Variants in SYT9 observed in about 807,000 individuals in gnomAD.
The protein encoded by SYT9 is synaptotagmin 9, also known as synaptotagmin-9.
In SYT9, 22 loss-of-function variants were observed where a neutral mutation model predicts 48.4. The observed-to-expected ratio is 0.45, with a 90% CI of 0.32 to 0.65. The LOEUF (loss-of-function observed/expected upper bound fraction) is 0.65. Among genes scored for constraint, SYT9 ranks in the 30% least tolerant of loss-of-function variants. The probability of loss-of-function intolerance (pLI) is 0.03; values close to 1 mark genes in which losing one functional copy is unlikely to be tolerated. For missense variants in SYT9, 577 were observed against 622.0 expected (o/e 0.93, Z 0.77); for synonymous variants, 265 against 245.0 (o/e 1.08, Z -0.76).
intron 3 of SYT9, among the ~76,000 whole-genome samples, chr11:7,327,934 AG>A (rs1363962303): frequency 2.2e-5 from 2 of 90,542 alleles, no homozygotes; most frequent in African/African-American, 4.3e-5. Flanking sequence ...GGGAGGGGGG[AG>A]GGGGGAGGGA....
Position 7,357,799 on chromosome 11 carries a change from A to C in SYT9, c.1044+43858A>C, listed in dbSNP as rs377470493. Among the ~76,000 whole-genome samples the C allele has an allele frequency of 5.9e-5, 9 of 152,124 alleles. No homozygotes were observed. The South Asian group carries it at 6.2e-4, about 11-fold the overall frequency. ...TTTTAGAATCAGGTTATCCAGCTCT[A>C]TGAAAACCAATGTAACCATTTTTAT... On this transcript the variant is annotated intron_variant, in intron 3 of 6. Coordinates refer to ENST00000318881, the MANE Select transcript of SYT9 (RefSeq NM_175733.4).
chr11:7,239,036 A>G (rs958223551), intron 1 of SYT9: 8 of 423,660 alleles, frequency 1.9e-5, no homozygotes, highest in Non-Finnish European at 3.8e-5. Flanking sequence ...CAGAACATGG[A>G]TATTGTTTCT....
chr11:7,281,526 G>T (rs1327348015), intron 1 of SYT9, among the ~76,000 whole-genome samples: 3 of 152,176 alleles, frequency 2.0e-5, no homozygotes, highest in Non-Finnish European at 2.9e-5. Context: ...CACCTGTTCT[G>T]TAAAAGGGTA....
intron 1 of SYT9, among the ~76,000 whole-genome samples, chr11:7,239,546 A>G (rs1847719121): frequency 2.0e-5 from 3 of 152,334 alleles, no homozygotes; most frequent in South Asian, 4.1e-4. Flanking sequence ...GAAAAAAGTC[A>G]TACTCCCTCA....
intron 1 of SYT9, among the ~76,000 whole-genome samples, chr11:7,277,865 G>T (rs958252087): frequency 6.6e-6 from 1 of 152,240 alleles, no homozygotes; most frequent in Non-Finnish European, 1.5e-5. Flanking sequence ...TAATGATGCT[G>T]TAGACATCTT....
chr11:7,283,354 T>C (rs1359166663), intron 1 of SYT9, among the ~76,000 whole-genome samples: 1 of 152,084 alleles, frequency 6.6e-6, no homozygotes, highest in Non-Finnish European at 1.5e-5. Context: ...TTGAAGACAG[T>C]GGTAAAAACC....
chr11:7,286,102 C>G (rs182605015), intron 1 of SYT9, among the ~76,000 whole-genome samples: 2 of 152,196 alleles, frequency 1.3e-5, no homozygotes, highest in Non-Finnish European at 1.5e-5. Flanking sequence ...TAGGCAGTGT[C>G]CCAGTGGGGA....
At chr11:7,344,394 A>T (rs1849764529) in intron 3 of SYT9, among the ~76,000 whole-genome samples, 1 of 149,274 alleles carries the variant, frequency 6.7e-6, no homozygotes, top group Non-Finnish European at 1.5e-5. Context: ...AGACATTCTT[A>T]ATTCTGCTCA....
At position 7,467,151 on chromosome 11, in the gene SYT9, G is replaced by T. The variant is rs1340513493; in HGVS notation, c.*351G>T. ...CCTTGGTGATGAGGACATAGCATCT[G>T]CCCTGGAAATCGTTATTCCAACATA... On this transcript the variant is annotated 3_prime_UTR_variant, in exon 7 of 7. Transcript: ENST00000318881. 1 of 265,668 alleles carries T rather than the reference G, an allele frequency of 3.8e-6. No individual in the cohort carries two copies. The highest frequency in any genetic ancestry group is 7.1e-6 in the Non-Finnish European group (1 of 141,450). The allele number at this position is 265,668 out of a possible 1,614,324, so 16.5% of individuals were successfully genotyped here.
intron 3 of SYT9, among the ~76,000 whole-genome samples, chr11:7,332,194 A>C (rs977595033): frequency 1.3e-5 from 2 of 152,174 alleles, no homozygotes; most frequent in Admixed American, 6.5e-5. Flanking sequence ...GCCTGATGCC[A>C]CAAGGAGCTC....
chr11:7,463,160 A>G (rs1848264036), intron 6 of SYT9, among the ~76,000 whole-genome samples: 1 of 152,182 alleles, frequency 6.6e-6, no homozygotes, highest in South Asian at 2.1e-4. Context: ...AGGTCTCATA[A>G]CAAGGACACT....
At chr11:7,459,196 T>G (rs752768428) in intron 6 of SYT9, among the ~76,000 whole-genome samples, 3 of 152,244 alleles carry the variant, frequency 2.0e-5, no homozygotes, top group Non-Finnish European at 4.4e-5. Context: ...GTAGAGCACC[T>G]ATGTGGGATG....
At chr11:7,458,599 C>T (rs1848191989) in intron 6 of SYT9, among the ~76,000 whole-genome samples, 1 of 152,102 alleles carries the variant, frequency 6.6e-6, no homozygotes, top group South Asian at 2.1e-4. Flanking sequence ...GTAGGGCTCA[C>T]AAACAATTGC....
chr11:7,267,709 A>T (rs1186430713), intron 1 of SYT9, among the ~76,000 whole-genome samples: 1 of 151,986 alleles, frequency 6.6e-6, no homozygotes, highest in Non-Finnish European at 1.5e-5. Flanking sequence ...GAGAAAAAAA[A>T]ATAAGAGCAA....
intron 1 of SYT9, among the ~76,000 whole-genome samples, chr11:7,294,113 T>A (rs1848745470): frequency 6.6e-6 from 1 of 152,150 alleles, no homozygotes; most frequent in Admixed American, 6.5e-5. Flanking sequence ...GTGAGGGAAC[T>A]CTCTTAAGTC....
chr11:7,449,711 CAGGAAGCA>C (rs2134146378), intron 6 of SYT9, among the ~76,000 whole-genome samples: 1 of 152,270 alleles, frequency 6.6e-6, no homozygotes, highest in African/African-American at 2.4e-5. Context: ...GCTTCACCCA[CAGGAAGCA>C]AGGTGACCAG....
intron 6 of SYT9, among the ~76,000 whole-genome samples, chr11:7,432,580 A>T (rs1489147177): frequency 0.016 from 95 of 6,110 alleles, 3 homozygotes; most frequent in African/African-American, 0.032. Context: ...AAAAAAAAAA[A>T]AAATATATAT....
At chr11:7,366,210 C>A (rs920951622) in intron 3 of SYT9, among the ~76,000 whole-genome samples, 2 of 152,108 alleles carry the variant, frequency 1.3e-5, no homozygotes, top group Non-Finnish European at 2.9e-5. Flanking sequence ...GGGTTTTGGG[C>A]CTTCTTCTGC....
intron 1 of SYT9, among the ~76,000 whole-genome samples, chr11:7,268,033 A>G (rs1452316792): frequency 6.6e-6 from 1 of 152,030 alleles, no homozygotes; most frequent in Non-Finnish European, 1.5e-5. Context: ...GAAGAAATTG[A>G]AAGGTAGTCA....
Sources: gnomAD v4.1 joint callset for allele counts (sites outside exome capture counted in the v4.1 genomes callset) on GRCh38, gnomAD v4.1.1 for gene constraint, MANE v1.5 for transcripts, NCBI Gene and HGNC (gene_info 2026-07-23, HGNC 2026-07-21) for gene names.